N4BP1: variants seen among roughly 807,000 people sequenced by gnomAD.
N4BP1 encodes NEDD4 binding protein 1, also known as NEDD4-binding protein 1.
Under a neutral mutation model 70.9 loss-of-function variants are expected in N4BP1, and 21 were observed. The observed-to-expected ratio is 0.30, with a 90% CI of 0.21 to 0.43. The LOEUF (loss-of-function observed/expected upper bound fraction) is 0.43. Ranked by LOEUF, N4BP1 falls within the 20% of genes least tolerant of loss-of-function variation. The probability of loss-of-function intolerance (pLI) is 1.00; values close to 1 mark genes in which losing one functional copy is unlikely to be tolerated. For synonymous variants in N4BP1, 387 were observed against 394.6 expected (o/e 0.98, Z 0.23); for missense variants, 936 against 1,069.4 (o/e 0.88, Z 1.74).
At chr16:48,602,699 C>T (rs529889668) in intron 1 of N4BP1, among the ~76,000 whole-genome samples, 20 of 152,174 alleles carry the variant, frequency 1.3e-4, no homozygotes, top group African/African-American at 4.1e-4. Flanking sequence ...CCCAGTATTA[C>T]ATCTATGAAT....
At chr16:48,589,332 C>T (rs1480268728) in intron 1 of N4BP1, among the ~76,000 whole-genome samples, 1 of 152,144 alleles carries the variant, frequency 6.6e-6, no homozygotes, top group East Asian at 1.9e-4. Context: ...CTACTTCCAA[C>T]CTCTCGGGAA....
rs1033908589 is a variant in N4BP1 at position 48,541,897 on chromosome 16, A to G, written c.*1007T>C. ...CCCACAGAAGCTACTAATGCTATTT[A>G]TTGGCTTGGGTCACTTTTGAGAATA... On this transcript the variant is annotated 3_prime_UTR_variant, in exon 7 of 7. Transcript: ENST00000262384. 2.6e-5 allele frequency: 4 copies of G among 152,672 alleles called. No homozygotes were observed. Among genetic ancestry groups the G allele is most frequent in the African/African-American group, 4.8e-5 (2 of 41,454 alleles). 9.5% of individuals were successfully genotyped at this position (152,672 alleles called of 1,614,324 possible).
chr16:48,603,848 T>G (rs976379553), intron 1 of N4BP1: 17 of 152,386 alleles, frequency 1.1e-4, no homozygotes, highest in African/African-American at 3.9e-4. Flanking sequence ...CCTTAATCCT[T>G]GCAGCTCACT....
intron 1 of N4BP1, among the ~76,000 whole-genome samples, chr16:48,570,814 C>T (rs1004953575): frequency 6.6e-6 from 1 of 151,926 alleles, no homozygotes; most frequent in Non-Finnish European, 1.5e-5. Context: ...ATATAATATT[C>T]AGCAATCTTG....
intron 5 of N4BP1, among the ~76,000 whole-genome samples, chr16:48,547,370 C>T (rs1474819443): frequency 6.6e-6 from 1 of 152,182 alleles, no homozygotes; most frequent in Non-Finnish European, 1.5e-5. Context: ...CCAGTGCCCA[C>T]TGATCTTAGG....
rs1963876256 is a variant in N4BP1 at position 48,562,447 on chromosome 16, G to A, written c.199-3C>T. The A allele has an allele frequency of 4.4e-6, 7 of 1,576,804 alleles. No homozygotes were observed. The highest frequency in any genetic ancestry group is 6.0e-6 in the Non-Finnish European group (7 of 1,165,728). ...TCACAGATTCCTTTAATATATTCCT[G>A]TAAAGAGAAAATAAGAAATTAGGTC... On this transcript the variant is annotated splice_polypyrimidine_tract_variant and splice_region_variant and intron_variant, in intron 1 of 6. Coordinates refer to ENST00000262384, the MANE Select transcript of N4BP1 (RefSeq NM_153029.4).
Position 48,591,145 on chromosome 16 carries a change from C to T in N4BP1, c.198+18630G>A, listed in dbSNP as rs1964331469. ...AGCTTGAAATTGGCTCCTCTAAGCA[C>T]CTTCTGGGAAGAGCAATAGAACCTG... On this transcript the variant is annotated intron_variant, in intron 1 of 6. Coordinates refer to ENST00000262384, the MANE Select transcript of N4BP1 (RefSeq NM_153029.4). 4.6e-5 allele frequency among the ~76,000 whole-genome samples: 7 copies of T among 152,152 alleles called. 1 individual carries two copies. The South Asian group carries it at 1.4e-3, about 31-fold the overall frequency.
intron 6 of N4BP1, among the ~76,000 whole-genome samples, chr16:48,543,908 C>T (rs1284735393): frequency 2.0e-5 from 3 of 152,152 alleles, no homozygotes; most frequent in Non-Finnish European, 4.4e-5. Flanking sequence ...ACTTCTTAAC[C>T]GATTTCTGAG....
At position 48,560,934 on chromosome 16, in the gene N4BP1, A is replaced by G; in HGVS notation, c.1709T>C (p.Leu570Pro). The G allele has an allele frequency of 6.2e-7, 1 of 1,614,016 alleles. No individual in the cohort carries two copies. Among genetic ancestry groups the G allele is most frequent in the South Asian group, 1.1e-5 (1 of 91,082 alleles). ...TLSPPMPLPQ[L>P]LPSVTDARSA... ...CCTTGCATCAGTAACCGAAGGTAACAGCTGGGGCAGTGGCATTGGTGGAGA... is the reference window on the plus strand; with the variant it reads ...CCTTGCATCAGTAACCGAAGGTAACGGCTGGGGCAGTGGCATTGGTGGAGA... The change falls in exon 2 of 7, where the codon CTG becomes CCG. Residue 570 changes from leucine (L) to proline (P), a missense_variant. Transcript: ENST00000262384.
chr16:48,574,295 C>T (rs1214135658), intron 1 of N4BP1, among the ~76,000 whole-genome samples: 1 of 152,116 alleles, frequency 6.6e-6, no homozygotes, highest in South Asian at 2.1e-4. Flanking sequence ...TGATGTGTCG[C>T]TGATAGTTTT....
intron 2 of N4BP1, among the ~76,000 whole-genome samples, chr16:48,554,203 A>G (rs1438385749): frequency 7.0e-6 from 1 of 143,804 alleles, no homozygotes; most frequent in Admixed American, 6.7e-5. Flanking sequence ...AAGAACAGCA[A>G]CAACAACAAC....
At chr16:48,601,591 C>A (rs972969893) in intron 1 of N4BP1, among the ~76,000 whole-genome samples, 16 of 152,112 alleles carry the variant, frequency 1.1e-4, no homozygotes, top group Non-Finnish European at 1.5e-5. Flanking sequence ...TACTTTCAGA[C>A]GTGGATTTAT....
intron 1 of N4BP1, among the ~76,000 whole-genome samples, chr16:48,607,864 G>GTT (rs1397015995): frequency 1.6e-5 from 1 of 63,442 alleles, no homozygotes; most frequent in Admixed American, 1.8e-4. Context: ...TTTCTGATTT[G>GTT]TTTTGTTTTG....
intron 1 of N4BP1, among the ~76,000 whole-genome samples, chr16:48,575,489 CA>C (rs1964079390): frequency 6.6e-6 from 1 of 152,150 alleles, no homozygotes. Context: ...CATAACATTT[CA>C]CAAATCCAGA....
chr16:48,589,276 T>A (rs771267811), intron 1 of N4BP1, among the ~76,000 whole-genome samples: 1 of 152,136 alleles, frequency 6.6e-6, no homozygotes, highest in Non-Finnish European at 1.5e-5. Flanking sequence ...AGCTTCAGGA[T>A]GGGGTTGGTC....
chr16:48,562,356 C>T lies in N4BP1; in HGVS notation c.287G>A (p.Ser96Asn). ...DMHCIFVGAE[S>N]LFLKSLIQDT... Reference sequence around the variant, plus strand: ...CTGAATCAAGCTTTTCAGAAACAGGCTCTCTGCCCCAACAAAAATGCAGTG... The same window carrying T: ...CTGAATCAAGCTTTTCAGAAACAGGTTCTCTGCCCCAACAAAAATGCAGTG... Residue 96 changes from serine to asparagine, a missense_variant, in exon 2 of 7, where the codon AGC becomes AAC. Coordinates refer to ENST00000262384, the MANE Select transcript of N4BP1 (RefSeq NM_153029.4). 5 of 1,613,800 alleles carry T rather than the reference C, an allele frequency of 3.1e-6. No homozygotes were observed. Among genetic ancestry groups the T allele is most frequent in the Non-Finnish European group, 3.4e-6 (4 of 1,179,800 alleles).
intron 1 of N4BP1, among the ~76,000 whole-genome samples, chr16:48,596,359 T>C (rs1351440489): frequency 1.3e-5 from 2 of 152,196 alleles, no homozygotes; most frequent in Non-Finnish European, 2.9e-5. Flanking sequence ...ACCTTTGTCA[T>C]GAAGCCTTGG....
At chr16:48,549,258 T>C (rs537855077) in intron 4 of N4BP1, among the ~76,000 whole-genome samples, 3 of 152,324 alleles carry the variant, frequency 2.0e-5, no homozygotes, top group East Asian at 3.9e-4. Context: ...AAAATAAATA[T>C]GATTTAGTTC....
intron 2 of N4BP1, among the ~76,000 whole-genome samples, chr16:48,554,363 G>A (rs1032960976): frequency 1.3e-5 from 2 of 152,108 alleles, no homozygotes; most frequent in East Asian, 3.9e-4. Flanking sequence ...ACAAAAACAG[G>A]TGGGCGGGCC....
Sources: gnomAD v4.1 joint callset for allele counts (sites outside exome capture counted in the v4.1 genomes callset) on GRCh38, gnomAD v4.1.1 for gene constraint, MANE v1.5 for transcripts, NCBI Gene and HGNC (gene_info 2026-07-23, HGNC 2026-07-21) for gene names.